The following EXOC2 variants were observed in gnomAD, a reference collection of about 807,000 sequenced individuals.
EXOC2 encodes SEC5-like 1.
Under a neutral mutation model 131.8 loss-of-function variants are expected in EXOC2, and 70 were observed. The ratio of observed to expected loss-of-function variants is 0.53; its 90% CI spans 0.44 to 0.65. The LOEUF is 0.65. Ranked by LOEUF, EXOC2 falls within the 30% of genes least tolerant of loss-of-function variation. The pLI is 0.00. For synonymous variants in EXOC2, 411 were observed against 398.4 expected (o/e 1.03, Z -0.38); for missense variants, 923 against 1,108.6 (o/e 0.83, Z 2.38).
intron 1 of EXOC2, among the ~76,000 whole-genome samples, chr6:645,238 TAAA>T (rs536703571): frequency 3.3e-5 from 4 of 121,624 alleles, no homozygotes; most frequent in African/African-American, 1.2e-4. Flanking sequence ...GATAGCTACA[TAAA>T]AAAAAAAAAA....
At chr6:658,661 ATATAT>A (rs747526539) in intron 1 of EXOC2, among the ~76,000 whole-genome samples, 22 of 72,062 alleles carry the variant, frequency 3.1e-4, no homozygotes, top group Middle Eastern at 5.2e-3. Flanking sequence ...ATATATATAT[ATATAT>A]TTTTTTTTTT....
At chr6:516,727 C>T (rs116755900) in intron 23 of EXOC2, among the ~76,000 whole-genome samples, 317 of 152,348 alleles carry the variant, frequency 2.1e-3, no homozygotes, top group Non-Finnish European at 3.7e-3. Context: ...TACCACAGGG[C>T]ACACAGCTGT....
chr6:657,706 T>C (rs900555621), intron 1 of EXOC2, among the ~76,000 whole-genome samples: 4 of 150,916 alleles, frequency 2.7e-5, no homozygotes, highest in Admixed American at 6.6e-5. Flanking sequence ...ATGAACACTC[T>C]AGCCCACCAG....
intron 4 of EXOC2, among the ~76,000 whole-genome samples, chr6:621,400 G>A (rs1761284138): frequency 6.6e-6 from 1 of 152,100 alleles, no homozygotes; most frequent in African/African-American, 2.4e-5. Context: ...AGAAGAACAG[G>A]GAATGTGAGC....
intron 2 of EXOC2, among the ~76,000 whole-genome samples, chr6:634,543 T>A (rs1352297218): frequency 6.6e-6 from 1 of 152,240 alleles, no homozygotes; most frequent in African/African-American, 2.4e-5. Context: ...CAAATCATCT[T>A]TTGTTCCAAC....
chr6:544,245 T>C (rs1392265001), intron 22 of EXOC2, among the ~76,000 whole-genome samples: 1 of 152,224 alleles, frequency 6.6e-6, no homozygotes. Context: ...TTATGTTCTT[T>C]CTTGCTTTGT....
At chr6:633,796 C>T (rs1184082241) in intron 2 of EXOC2, among the ~76,000 whole-genome samples, 1 of 152,108 alleles carries the variant, frequency 6.6e-6, no homozygotes, top group Non-Finnish European at 1.5e-5. Flanking sequence ...TTACAGTAAA[C>T]CTACACTCCC....
rs1354654639 is a variant in EXOC2 at position 564,600 on chromosome 6, C to G, written c.1612G>C (p.Glu538Gln). Residue 538 changes from glutamate (E) to glutamine (Q), a missense_variant, in exon 15 of 28, where the codon GAG (glutamate) becomes CAG (glutamine). Glu to Gln is a conservative substitution (Grantham distance 29). Coordinates refer to ENST00000230449, the MANE Select transcript of EXOC2 (RefSeq NM_018303.6). ...TGTCCGGAGAGCTCGCACTTCACCT[C>G]CCAGCCTCCGTACTGCTTGGCTTCC... is the stretch of plus-strand genomic sequence containing the variant. ...DGEAKQYGGW[E>Q]VKCELSGQWL... is the part of the protein sequence containing the mutation. 12 of 1,614,176 alleles carry G rather than the reference C, an allele frequency of 7.4e-6. No homozygotes were observed. Among genetic ancestry groups the G allele is most frequent in the Non-Finnish European group, 1.0e-5 (12 of 1,180,028 alleles).
intron 6 of EXOC2, among the ~76,000 whole-genome samples, chr6:613,347 T>C (rs1180640905): frequency 3.3e-5 from 5 of 151,968 alleles, no homozygotes; most frequent in South Asian, 2.1e-4. Context: ...AAGCTACTAA[T>C]GGAATACCGG....
rs564567373 is a variant in EXOC2 at position 634,380 on chromosome 6, C to T, written c.119-1263G>A. On this transcript the variant is annotated intron_variant, in intron 2 of 27. Transcript: ENST00000230449. ...GATTACAGGTGTGAGCCACCATGCC[C>T]GGCAGACACTTCACACTTTTTCTCA... is the stretch of plus-strand genomic sequence containing the variant. 2.4e-4 allele frequency among the ~76,000 whole-genome samples: 36 copies of T among 152,212 alleles called. No individual in the cohort carries two copies. In the South Asian group the frequency reaches 7.5e-3, roughly 32 times the overall value.
intron 21 of EXOC2, 57 bp downstream of exon 21, chr6:553,797 G>T: frequency 1.4e-6 from 2 of 1,466,980 alleles, no homozygotes; most frequent in Non-Finnish European, 1.9e-6. Context: ...TTAGATTTGC[G>T]AAATTGTTGT....
intron 1 of EXOC2, among the ~76,000 whole-genome samples, chr6:671,839 T>G (rs1009874043): frequency 6.6e-5 from 10 of 152,276 alleles, no homozygotes; most frequent in African/African-American, 2.4e-4. Flanking sequence ...CCAGCTTCCT[T>G]CAGTATCCTT....
intron 23 of EXOC2, among the ~76,000 whole-genome samples, chr6:522,489 G>A (rs1256292593): frequency 1.3e-5 from 2 of 151,850 alleles, no homozygotes; most frequent in African/African-American, 4.8e-5. Context: ...ACAGCGTGTG[G>A]GGAGCGCTGA....
chr6:488,829 G>A lies in EXOC2; in HGVS notation c.2681+150C>T, dbSNP rs555994045. The stretch of plus-strand genomic sequence containing the variant: ...CAGGTGACGAGATGTACCTACTAAC[G>A]CTATTAAGTAGGTATATCTGCTTAT... On this transcript the variant is annotated intron_variant, in intron 27 of 27. Coordinates refer to ENST00000230449, the MANE Select transcript of EXOC2 (RefSeq NM_018303.6). The A allele has an allele frequency of 2.3e-5, 16 of 686,810 alleles. No homozygotes were observed. In the South Asian group the frequency reaches 3.4e-4, roughly 15 times the overall value. The allele number at this position is 686,810 out of a possible 1,614,324, so 42.5% of individuals were successfully genotyped here.
chr6:511,217 G>A (rs532439004), intron 23 of EXOC2, among the ~76,000 whole-genome samples: 1 of 152,214 alleles, frequency 6.6e-6, no homozygotes, highest in Non-Finnish European at 1.5e-5. Context: ...GCTGCTGAGC[G>A]GGTCCCGCAC....
intron 10 of EXOC2, among the ~76,000 whole-genome samples, chr6:595,738 A>G (rs1759777007): frequency 6.6e-6 from 1 of 152,072 alleles, no homozygotes; most frequent in African/African-American, 2.4e-5. Flanking sequence ...TATACAAAGC[A>G]CACGCAGTGA....
At chr6:628,936 G>C (rs17756826) in intron 4 of EXOC2, among the ~76,000 whole-genome samples, 22,775 of 152,164 alleles carry the variant, frequency 0.15, 1,919 homozygotes, top group African/African-American at 0.18. Context: ...CAAAGCTCAC[G>C]TGAAGCTGCT....
intron 25 of EXOC2, among the ~76,000 whole-genome samples, chr6:491,628 T>G (rs1477203205): frequency 1.3e-5 from 2 of 152,252 alleles, no homozygotes. Context: ...GCACACTGCC[T>G]TAATCTCAAA....
chr6:681,173 A>G (rs1045520449), intron 1 of EXOC2, among the ~76,000 whole-genome samples: 17 of 152,338 alleles, frequency 1.1e-4, no homozygotes, highest in African/African-American at 3.8e-4. Context: ...TGCCCTAATT[A>G]CATCCTAAAA....
Sources: gnomAD v4.1 joint callset for allele counts (sites outside exome capture counted in the v4.1 genomes callset) on GRCh38, gnomAD v4.1.1 for gene constraint, MANE v1.5 for transcripts, NCBI Gene and HGNC (gene_info 2026-07-23, HGNC 2026-07-21) for gene names.